FBXL15: variants seen among roughly 807,000 people sequenced by gnomAD.
FBXL15 encodes the protein F-box/LRR-repeat protein 15.
A neutral mutation model predicts 23.6 loss-of-function variants in FBXL15; 19 were observed. The observed-to-expected ratio is 0.81, with a 90% CI of 0.56 to 1.18. The LOEUF (loss-of-function observed/expected upper bound fraction) is 1.18, where lower values mean the gene tolerates loss of function less well. FBXL15 is among the 50% of genes most tolerant of loss of function. The pLI is 0.00. For synonymous variants in FBXL15, 224 were observed against 207.7 expected, an observed-to-expected ratio of 1.08 and a Z score of -0.67; for missense variants, 385 against 425.4, an observed-to-expected ratio of 0.91 and a Z score of 0.83.
At position 102,421,928 on chromosome 10, in the gene FBXL15, C is replaced by T. The variant is rs1373301594; in HGVS notation, c.349C>T (p.Arg117Trp). The change falls in exon 3 of 4, where the codon CGG (arginine) becomes TGG (tryptophan). Residue 117 changes from arginine (R) to tryptophan (W), a missense_variant. Around this residue, in one of 2 missense-constraint regions of FBXL15, gnomAD observed 255 missense variants for 330.2 expected, o/e 0.77. Transcript: ENST00000369956. ...GGTGCTGGCGCGGAATCCGCAGCTG[C>T]GGAGTGTGGCGTTGGGCGGCTGCGG... ...VPVLARNPQL[R>W]SVALGGCGQL... 3 of 1,604,672 alleles carry T rather than the reference C, an allele frequency of 1.9e-6. No homozygotes were observed. The highest frequency in any genetic ancestry group is 2.5e-6 in the Non-Finnish European group (3 of 1,179,166).
At position 102,421,794 on chromosome 10, in the gene FBXL15, C is replaced by T. The variant is rs774765366; in HGVS notation, c.215C>T (p.Pro72Leu). ...LRRFDAAQVGPQIPRAALARL... is the reference protein window; with the variant it reads ...LRRFDAAQVGLQIPRAALARL... Reference sequence around the variant, plus strand: ...GTGCCTCCCCGCCCGCAGGTGGGTCCGCAGATCCCGCGGGCCGCATTGGCC... The same window carrying T: ...GTGCCTCCCCGCCCGCAGGTGGGTCTGCAGATCCCGCGGGCCGCATTGGCC... The change falls in exon 3 of 4, where the codon CCG (proline) becomes CTG (leucine). Residue 72 changes from proline (P) to leucine (L), a missense_variant. Pro to Leu is a moderately conservative substitution (Grantham distance 98). This residue lies in a region of FBXL15 where 255 missense variants were observed against 330.2 expected (regional missense o/e 0.77). Coordinates refer to ENST00000369956, the MANE Select transcript of FBXL15 (RefSeq NM_024326.4). 2.3e-5 allele frequency: 35 copies of T among 1,551,944 alleles called. No homozygotes were observed. The highest frequency in any genetic ancestry group is 2.9e-5 in the Non-Finnish European group (33 of 1,154,836).
At position 102,421,047 on chromosome 10, in the gene FBXL15, T is replaced by C; in HGVS notation, c.-83T>C. The C allele has an allele frequency of 6.4e-7, 1 of 1,554,904 alleles. No individual in the cohort carries two copies. The highest frequency in any genetic ancestry group is 8.7e-7 in the Non-Finnish European group (1 of 1,148,710). ...GCACTCGATTAAATAGGTCTGTCTC[T>C]ACAGGCCAAGGAGGCGGGTTTGGTG... On this transcript the variant is annotated 5_prime_UTR_variant, in exon 1 of 4. Coordinates refer to ENST00000369956, the MANE Select transcript of FBXL15 (RefSeq NM_024326.4).
At position 102,421,027 on chromosome 10, in the gene FBXL15, CGATTAAATAGGTCTGTCTCTACAG is replaced by C; in HGVS notation, c.-101_-78del. The C allele has an allele frequency of 6.5e-7, 1 of 1,549,520 alleles. No homozygotes were observed. The highest frequency in any genetic ancestry group is 1.2e-5 in the South Asian group (1 of 83,812). On this transcript the variant is annotated 5_prime_UTR_variant, in exon 1 of 4. The change abolishes the stop of an existing upstream ORF in the 5' untranslated region. Coordinates refer to ENST00000369956, the MANE Select transcript of FBXL15 (RefSeq NM_024326.4). The stretch of plus-strand genomic sequence containing the variant: ...ATCGGATCCTCGGTGAGACGGCACT[CGATTAAATAGGTCTGTCTCTACAG>C]GCCAAGGAGGCGGGTTTGGTGCGGC...
intron 2 of FBXL15, 128 bp downstream of exon 2, chr10:102,421,635 C>T (rs1256852958): frequency 2.8e-6 from 4 of 1,423,334 alleles, no homozygotes; most frequent in Middle Eastern, 2.6e-4. Flanking sequence ...GATCCACGCA[C>T]CAAAGGGCAA....
chr10:102,422,355 C>T (rs941048048), intron 3 of FBXL15, 63 bp downstream of exon 3: 3 of 1,436,122 alleles, frequency 2.1e-6, no homozygotes, highest in Non-Finnish European at 1.8e-6. Context: ...ATGGGGCGGG[C>T]TGTAGTTGTT....
In FBXL15 at chr10:102,420,943, A is replaced by G; in HGVS notation, c.-187A>G. On this transcript the variant is annotated 5_prime_UTR_variant, in exon 1 of 4. Coordinates refer to ENST00000369956, the MANE Select transcript of FBXL15 (RefSeq NM_024326.4). Reference sequence around the variant, plus strand: ...CCCTGTAGCCGAGAAGGCGAGGCCTAATGTTACACCACCGGTCTGTTCCGC... The same window carrying G: ...CCCTGTAGCCGAGAAGGCGAGGCCTGATGTTACACCACCGGTCTGTTCCGC... 1.4e-6 allele frequency: 2 copies of G among 1,472,150 alleles called. No individual in the cohort carries two copies. The highest frequency in any genetic ancestry group is 2.5e-5 in the East Asian group (1 of 39,864). 91.2% of individuals were successfully genotyped at this position (1,472,150 alleles called of 1,614,324 possible). A position where few individuals can be genotyped will look rare whatever the true frequency, so the allele number is the denominator to read the frequency against.
In FBXL15 at chr10:102,421,996, C is replaced by T. The variant is rs1363015008; in HGVS notation, c.417C>T (p.Cys139=). The change falls in exon 3 of 4, where the codon TGC becomes TGT. Residue 139 remains cysteine (C), a synonymous_variant. Transcript: ENST00000369956. Reference sequence around the variant, plus strand: ...CGCTTGGGGCTTTGGCCGAGGGCTGCCCACGCCTGCAGCGCCTGTCGCTCG... The same window carrying T: ...CGCTTGGGGCTTTGGCCGAGGGCTGTCCACGCCTGCAGCGCCTGTCGCTCG... ...RRALGALAEG[C]PRLQRLSLAH... The T allele has an allele frequency of 1.3e-6, 2 of 1,594,798 alleles. No individual in the cohort carries two copies. The highest frequency in any genetic ancestry group is 1.7e-5 in the Admixed American group (1 of 59,178).
At position 102,421,057 on chromosome 10, in the gene FBXL15, G is replaced by A. The variant is rs1464546054; in HGVS notation, c.-73G>A. On this transcript the variant is annotated 5_prime_UTR_variant, in exon 1 of 4. Transcript: ENST00000369956. Reference sequence around the variant, plus strand: ...AAATAGGTCTGTCTCTACAGGCCAAGGAGGCGGGTTTGGTGCGGCCACTCC... The same window carrying A: ...AAATAGGTCTGTCTCTACAGGCCAAAGAGGCGGGTTTGGTGCGGCCACTCC... 1 of 1,559,240 alleles carries A rather than the reference G, an allele frequency of 6.4e-7. No individual in the cohort carries two copies. The highest frequency in any genetic ancestry group is 1.2e-5 in the South Asian group (1 of 84,968).
At position 102,422,788 on chromosome 10, in the gene FBXL15, C is replaced by G. The variant is rs186042998; in HGVS notation, c.714-16C>G. Reference sequence around the variant, plus strand: ...GGTGGCCTCATGTCCCTAGCCTCACCCTGCTCCTCCCTCAGGACATTGGCC... The same window carrying G: ...GGTGGCCTCATGTCCCTAGCCTCACGCTGCTCCTCCCTCAGGACATTGGCC... On this transcript the variant is annotated splice_polypyrimidine_tract_variant and intron_variant, in intron 3 of 3. Transcript: ENST00000369956. 6.3e-7 allele frequency: 1 copy of G among 1,596,834 alleles called. No individual in the cohort carries two copies. Among genetic ancestry groups the G allele is most frequent in the East Asian group, 2.2e-5 (1 of 44,788 alleles).
chr10:102,421,721 C>G, intron 2 of FBXL15, 66 bp from the exon 3 acceptor site: 1 of 1,498,666 alleles, frequency 6.7e-7, no homozygotes, highest in South Asian at 1.3e-5. Flanking sequence ...GAACTCAGGT[C>G]AGGGGTGCAT....
Position 102,422,139 on chromosome 10 carries a change from T to C in FBXL15, c.560T>C (p.Leu187Pro). Residue 187 changes from leucine (L) to proline (P), a missense_variant, in exon 3 of 4, where the codon CTG (leucine) becomes CCG (proline). Leu to Pro is a moderately conservative substitution (Grantham distance 98, BLOSUM62 -3). Around this residue, in one of 2 missense-constraint regions of FBXL15, gnomAD observed 255 missense variants for 330.2 expected, o/e 0.77. Coordinates refer to ENST00000369956, the MANE Select transcript of FBXL15 (RefSeq NM_024326.4). ...RQLKDEAIVY[L>P]AQRRGAGLRS... ...CTCAAGGACGAGGCCATCGTGTACC[T>C]GGCGCAGAGGCGCGGCGCTGGTCTC... 1 of 1,554,898 alleles carries C rather than the reference T, an allele frequency of 6.4e-7. No individual in the cohort carries two copies. The highest frequency in any genetic ancestry group is 2.3e-5 in the East Asian group (1 of 42,692).
chr10:102,422,689 G>A (rs1431411993), intron 3 of FBXL15, 115 bp from the exon 4 acceptor site: 2 of 1,140,590 alleles, frequency 1.8e-6, no homozygotes, highest in African/African-American at 1.5e-5. Flanking sequence ...CGAGCTGGAG[G>A]GAGACCGGGA....
Position 102,421,403 on chromosome 10 carries a change from C to T in FBXL15, c.103C>T (p.Arg35Trp), listed in dbSNP as rs746263880. The stretch of plus-strand genomic sequence containing the variant: ...CGTGCTGCTCCCACACGTCCTGAAC[C>T]GGGTCCCGCTGCGCCAGCTGCTCCG... ...EDVLLPHVLNRVPLRQLLRLQ... is the reference protein window; with the variant it reads ...EDVLLPHVLNWVPLRQLLRLQ... The change falls in exon 2 of 4, where the codon CGG (arginine) becomes TGG (tryptophan). Residue 35 changes from arginine (R) to tryptophan (W), a missense_variant. Physicochemically the swap from Arg to Trp is moderately radical, Grantham distance 101. Transcript: ENST00000369956. The T allele has an allele frequency of 1.9e-6, 3 of 1,572,842 alleles. No homozygotes were observed. The highest frequency in any genetic ancestry group is 1.2e-5 in the South Asian group (1 of 86,752).
At position 102,422,821 on chromosome 10, in the gene FBXL15, GC is replaced by G; in HGVS notation, c.735del (p.Val246CysfsTer18). On this transcript the variant is annotated frameshift_variant, in exon 4 of 4. Transcript: ENST00000369956. LOFTEE classifies it high-confidence loss of function. The stretch of plus-strand genomic sequence containing the variant: ...TCCCTCAGGACATTGGCCGAGTACT[GC>G]CCCGTGCTGCGTTCGCTGCGGGTGC... ...SDGVRTLAEYCPVLRSLRVRH... is the reference protein window; with the variant it reads ...SDGVRTLAEYXPVLRSLRVRH... 1.2e-6 allele frequency: 2 copies of G among 1,606,110 alleles called. No homozygotes were observed. The highest frequency in any genetic ancestry group is 8.5e-7 in the Non-Finnish European group (1 of 1,179,696).
chr10:102,423,024 G>T lies in FBXL15; in HGVS notation c.*31G>T, dbSNP rs757129436. 50 of 1,505,280 alleles carry T rather than the reference G, an allele frequency of 3.3e-5. No homozygotes were observed. The South Asian group carries it at 6.1e-4, about 19-fold the overall frequency. The allele number at this position is 1,505,280 out of a possible 1,614,324, so 93.2% of individuals were successfully genotyped here. On this transcript the variant is annotated 3_prime_UTR_variant, in exon 4 of 4. Transcript: ENST00000369956. The surrounding 1 kb of genome is among the most constrained non-coding windows in gnomAD (Gnocchi z 5.6). ...CTGCCAATCGGAGCACAGCTGGACT[G>T]TGTGGCTGGGGCCTGACACTGAGCT...
In FBXL15 at chr10:102,420,994, G is replaced by T. The variant is rs888931246; in HGVS notation, c.-136G>T. 3.3e-6 allele frequency: 5 copies of T among 1,538,348 alleles called. No homozygotes were observed. Among genetic ancestry groups the T allele is most frequent in the Admixed American group, 4.1e-5 (2 of 49,352 alleles). ...CTCCGTTTCGGGGTCCACCCGAAAA[G>T]CTTTCAGATCGGATCCTCGGTGAGA... On this transcript the variant is annotated 5_prime_UTR_variant, in exon 1 of 4. Coordinates refer to ENST00000369956, the MANE Select transcript of FBXL15 (RefSeq NM_024326.4).
At position 102,421,060 on chromosome 10, in the gene FBXL15, G is replaced by C; in HGVS notation, c.-70G>C. ...TAGGTCTGTCTCTACAGGCCAAGGA[G>C]GCGGGTTTGGTGCGGCCACTCCAAG... On this transcript the variant is annotated 5_prime_UTR_variant, in exon 1 of 4. Coordinates refer to ENST00000369956, the MANE Select transcript of FBXL15 (RefSeq NM_024326.4). 1 of 1,560,598 alleles carries C rather than the reference G, an allele frequency of 6.4e-7. No individual in the cohort carries two copies. Among genetic ancestry groups the C allele is most frequent in the Non-Finnish European group, 8.7e-7 (1 of 1,151,582 alleles).
Position 102,422,058 on chromosome 10 carries a change from G to A in FBXL15, c.479G>A (p.Gly160Asp), listed in dbSNP as rs1417059627. 6.3e-7 allele frequency: 1 copy of A among 1,590,542 alleles called. No individual in the cohort carries two copies. The highest frequency in any genetic ancestry group is 8.5e-7 in the Non-Finnish European group (1 of 1,173,506). The change falls in exon 3 of 4, where the codon GGC (glycine) becomes GAC (aspartate). Residue 160 changes from glycine (G) to aspartate (D), a missense_variant. This residue lies in a region of FBXL15 where 255 missense variants were observed against 330.2 expected (regional missense o/e 0.77). Coordinates refer to ENST00000369956, the MANE Select transcript of FBXL15 (RefSeq NM_024326.4). The part of the protein sequence containing the change: ...CDWVDGLALR[G>D]LADRCPALEE... The stretch of plus-strand genomic sequence containing the variant: ...TGGGTGGACGGGCTGGCGCTGCGCG[G>A]CCTCGCTGATCGCTGCCCGGCCCTG...
At chr10:102,421,760 AG>A in intron 2 of FBXL15, 26 bp from the exon 3 acceptor site, 1 of 1,531,446 alleles carries the variant, frequency 6.5e-7, no homozygotes, top group Non-Finnish European at 8.7e-7. Flanking sequence ...GGACGGGCTG[AG>A]AGTTGGGGTG....
Sources: allele counts gnomAD v4.1 joint callset, GRCh38; gene constraint gnomAD v4.1.1; regional missense constraint gnomAD v4.1.1; non-coding constraint Gnocchi (gnomAD v3.1); transcripts MANE v1.5; gene names NCBI Gene and HGNC (gene_info 2026-07-23, HGNC 2026-07-21).